The following NR3C2 variants were observed in gnomAD, a reference collection of about 807,000 sequenced individuals.
NR3C2 encodes mineralocorticoid receptor.
A neutral mutation model predicts 86.4 loss-of-function variants in NR3C2; 15 were observed. That is an observed-to-expected ratio of 0.17 (90% CI 0.12 to 0.27). NR3C2 has a LOEUF of 0.27. Among genes scored for constraint, NR3C2 ranks in the 10% least tolerant of loss-of-function variants. The probability of loss-of-function intolerance (pLI) is 1.00; values close to 1 mark genes in which losing one functional copy is unlikely to be tolerated. For synonymous variants in NR3C2, 458 were observed against 450.5 expected, an observed-to-expected ratio of 1.02 and a Z score of -0.21; for missense variants, 960 against 1,195.6, an observed-to-expected ratio of 0.80 and a Z score of 2.91.
At chr4:148,326,884 AAATT>A (rs1743996399) in intron 2 of NR3C2, among the ~76,000 whole-genome samples, 1 of 152,208 alleles carries the variant, frequency 6.6e-6, no homozygotes, top group African/African-American at 2.4e-5. Flanking sequence ...TCTGCTGTGT[AAATT>A]AATAGAAAAG....
chr4:148,425,243 T>C (rs1749470651), intron 2 of NR3C2, among the ~76,000 whole-genome samples: 1 of 152,174 alleles, frequency 6.6e-6, no homozygotes, highest in South Asian at 2.1e-4. Context: ...CCTGGCACTG[T>C]TTCAGGTATG....
At chr4:148,270,179 T>C (rs1399148932) in intron 2 of NR3C2, among the ~76,000 whole-genome samples, 1 of 152,092 alleles carries the variant, frequency 6.6e-6, no homozygotes, top group East Asian at 1.9e-4. Context: ...TTTCTATAAA[T>C]GTAATTAACA....
At chr4:148,115,057 C>T (rs574375913) in intron 7 of NR3C2, among the ~76,000 whole-genome samples, 1 of 152,324 alleles carries the variant, frequency 6.6e-6, no homozygotes, top group South Asian at 2.1e-4. Context: ...GGAACAACAA[C>T]AGTGGCTCTG....
At chr4:148,412,888 A>G (rs1462590087) in intron 2 of NR3C2, among the ~76,000 whole-genome samples, 3 of 152,012 alleles carry the variant, frequency 2.0e-5, no homozygotes, top group Non-Finnish European at 4.4e-5. Context: ...GTGTCCCATC[A>G]CACCCCAGGT....
At chr4:148,192,865 G>C (rs1033680844) in intron 4 of NR3C2, among the ~76,000 whole-genome samples, 2 of 151,950 alleles carry the variant, frequency 1.3e-5, no homozygotes, top group Middle Eastern at 3.2e-3. Flanking sequence ...TCCAGGGAGA[G>C]GGCAAGAGGG....
chr4:148,243,023 G>GTTT (rs528509376), intron 3 of NR3C2, among the ~76,000 whole-genome samples: 3 of 140,510 alleles, frequency 2.1e-5, no homozygotes, highest in Admixed American at 7.1e-5. Flanking sequence ...TACTTTTCAG[G>GTTT]TTTTTTTTTT....
chr4:148,321,533 C>T (rs1184194622), intron 2 of NR3C2, among the ~76,000 whole-genome samples: 2 of 152,066 alleles, frequency 1.3e-5, no homozygotes, highest in Non-Finnish European at 2.9e-5. Context: ...GTAGGTCACT[C>T]AGGACTTGCT....
chr4:148,326,049 A>G (rs1396704750), intron 2 of NR3C2, among the ~76,000 whole-genome samples: 1 of 152,172 alleles, frequency 6.6e-6, no homozygotes, highest in African/African-American at 2.4e-5. Context: ...TCAACCAGCA[A>G]GATCAATGGA....
intron 2 of NR3C2, among the ~76,000 whole-genome samples, chr4:148,265,481 A>G (rs1740335437): frequency 6.6e-6 from 1 of 152,226 alleles, no homozygotes; most frequent in South Asian, 2.1e-4. Flanking sequence ...AGGAATTATC[A>G]TATGTAAAAC....
intron 4 of NR3C2, among the ~76,000 whole-genome samples, chr4:148,181,036 C>T (rs1735620974): frequency 6.6e-6 from 1 of 152,138 alleles, no homozygotes; most frequent in East Asian, 1.9e-4. Flanking sequence ...TGACGTGTCC[C>T]ACTCTAGGAG....
rs1351452662 is a variant in NR3C2 at position 148,436,925 on chromosome 4, T to C, written c.-2-63A>G. On this transcript the variant is annotated intron_variant, in intron 1 of 8. Coordinates refer to ENST00000358102, the MANE Select transcript of NR3C2 (RefSeq NM_000901.5). The stretch of plus-strand genomic sequence containing the variant: ...TATAGCAATATTACTCTAAAAGACA[T>C]TCTAAAATTGCATTTGCTAAGCCAC... 1.4e-5 allele frequency: 19 copies of C among 1,324,882 alleles called. No homozygotes were observed. In the Admixed American group the frequency reaches 3.2e-4, roughly 23 times the overall value. 82.1% of individuals were successfully genotyped at this position (1,324,882 alleles called of 1,614,324 possible). A position where few individuals can be genotyped will look rare whatever the true frequency, so the allele number is the denominator to read the frequency against.
Position 148,367,547 on chromosome 4 carries a change from A to G in NR3C2, c.1757+67557T>C, listed in dbSNP as rs531967874. ...TAAGCAATCATGTATAAACATAGAT[A>G]TTAGCCTGAAATTTAAGACAGGCTG... On this transcript the variant is annotated intron_variant, in intron 2 of 8. Coordinates refer to ENST00000358102, the MANE Select transcript of NR3C2 (RefSeq NM_000901.5). Among the ~76,000 whole-genome samples, 23 of 152,326 alleles carry G rather than the reference A, an allele frequency of 1.5e-4. No individual in the cohort carries two copies. In the South Asian group the frequency reaches 4.8e-3, roughly 32 times the overall value.
At chr4:148,344,564 T>A (rs1182265072) in intron 2 of NR3C2, among the ~76,000 whole-genome samples, 2 of 152,150 alleles carry the variant, frequency 1.3e-5, no homozygotes. Context: ...CAGCACTCAA[T>A]GAATGTTAGC....
intron 6 of NR3C2, among the ~76,000 whole-genome samples, chr4:148,148,075 C>T (rs115514675): frequency 0.011 from 932 of 81,744 alleles, 16 homozygotes; most frequent in African/African-American, 0.028. Context: ...CTATATAATA[C>T]GTCTTCTTGG....
chr4:148,262,693 TGGACCCCAATCTAATA>T (rs1318298598), intron 2 of NR3C2, among the ~76,000 whole-genome samples: 1 of 152,070 alleles, frequency 6.6e-6, no homozygotes, highest in Non-Finnish European at 1.5e-5. Context: ...TGGAATAGGG[TGGACCCCAATCTAATA>T]GGACTGATGT....
chr4:148,124,382 G>A (rs7668163), intron 6 of NR3C2, among the ~76,000 whole-genome samples: 2 of 151,988 alleles, frequency 1.3e-5, no homozygotes, highest in East Asian at 3.9e-4. Context: ...GGTGATTTAC[G>A]ACAGTACTTT....
At chr4:148,326,086 G>A (rs1326998646) in intron 2 of NR3C2, among the ~76,000 whole-genome samples, 2 of 152,094 alleles carry the variant, frequency 1.3e-5, no homozygotes, top group African/African-American at 4.8e-5. Context: ...AACTACAGAT[G>A]TTTCATTTTA....
Position 148,260,112 on chromosome 4 carries a change from G to A in NR3C2, c.1763C>T (p.Thr588Ile), listed in dbSNP as rs1189107533. The A allele has an allele frequency of 1.9e-5, 30 of 1,613,894 alleles. No individual in the cohort carries two copies. The highest frequency in any genetic ancestry group is 2.5e-5 in the Non-Finnish European group (29 of 1,179,960). The change falls in exon 3 of 9, where the codon ACT becomes ATT. Residue 588 changes from threonine to isoleucine, a missense_variant. Thr to Ile is a moderately conservative substitution (Grantham distance 89). Transcript: ENST00000358102. ...AGATCCAGTAGAAACACTTCGTAAA[G>A]TAGAGCTGGGGAAAGAAATTGAGAT... ...EYIPENVSSS[T>I]LRSVSTGSSR...
intron 3 of NR3C2, among the ~76,000 whole-genome samples, chr4:148,198,324 C>T (rs919603229): frequency 6.6e-6 from 1 of 152,104 alleles, no homozygotes; most frequent in East Asian, 1.9e-4. Flanking sequence ...TTGTCTTTTA[C>T]AATTTTCAAT....
Sources: allele counts gnomAD v4.1 joint callset (sites outside exome capture counted in the v4.1 genomes callset), GRCh38; gene constraint gnomAD v4.1.1; transcripts MANE v1.5; gene names NCBI Gene and HGNC (gene_info 2026-07-23, HGNC 2026-07-21).